The following CNBD1 variants were observed in gnomAD, a reference collection of about 807,000 sequenced individuals.
The protein encoded by CNBD1 is cyclic nucleotide binding domain containing 1.
CNBD1 carries 71 observed loss-of-function variants against 54.4 expected under a neutral mutation model. The ratio of observed to expected loss-of-function variants is 1.30; its 90% CI spans 1.08 to 1.59. CNBD1 has a LOEUF of 1.59. CNBD1 is among the 40% of genes most tolerant of loss of function. CNBD1 has a pLI of 0.00. For synonymous variants in CNBD1, 182 were observed against 170.7 expected (o/e 1.07, Z -0.51); for missense variants, 659 against 518.0 (o/e 1.27, Z -2.64).
At position 87,005,238 on chromosome 8, in the gene CNBD1, C is replaced by T. The variant is rs565278195; in HGVS notation, c.431+65484C>T. Among the ~76,000 whole-genome samples the T allele has an allele frequency of 2.0e-4, 30 of 151,876 alleles. No homozygotes were observed. In the South Asian group the frequency reaches 2.5e-3, roughly 13 times the overall value. ...TATAAAAATTAGCCGGGCACGGTGGCGGGCGCCTGTAGTCCCAGCTACTCT... is the reference window on the plus strand; with the variant it reads ...TATAAAAATTAGCCGGGCACGGTGGTGGGCGCCTGTAGTCCCAGCTACTCT... On this transcript the variant is annotated intron_variant, in intron 4 of 10. Coordinates refer to ENST00000518476, the MANE Select transcript of CNBD1 (RefSeq NM_173538.3).
intron 4 of CNBD1, among the ~76,000 whole-genome samples, chr8:87,122,543 C>T (rs1369672424): frequency 6.6e-6 from 1 of 151,704 alleles, no homozygotes; most frequent in Non-Finnish European, 1.5e-5. Flanking sequence ...TAGTTTGATG[C>T]CATCACTTTC....
Position 87,312,220 on chromosome 8 carries a change from G to A in CNBD1, c.1042+25549G>A, listed in dbSNP as rs556826532. 2.0e-5 allele frequency among the ~76,000 whole-genome samples: 3 copies of A among 151,846 alleles called. No individual in the cohort carries two copies. The East Asian group carries it at 5.8e-4, about 29-fold the overall frequency. ...CCCCCAAAAATAAAACTACTATATC[G>A]ATATTTTGACATAATCTATTTTTAA... On this transcript the variant is annotated intron_variant, in intron 8 of 10. Coordinates refer to ENST00000518476, the MANE Select transcript of CNBD1 (RefSeq NM_173538.3).
At chr8:87,088,671 CT>C (rs1811148568) in intron 4 of CNBD1, among the ~76,000 whole-genome samples, 1 of 151,950 alleles carries the variant, frequency 6.6e-6, no homozygotes, top group Admixed American at 6.6e-5. Context: ...TACTAGTTTT[CT>C]ATTACTAAAA....
At chr8:87,196,293 G>C (rs2130790026) in intron 4 of CNBD1, among the ~76,000 whole-genome samples, 1 of 152,290 alleles carries the variant, frequency 6.6e-6, no homozygotes, top group East Asian at 1.9e-4. Context: ...TAAGAGACAA[G>C]AGCAAAGATT....
downstream of CNBD1, among the ~76,000 whole-genome samples, chr8:87,384,617 C>G (rs1284519671): frequency 1.3e-5 from 2 of 152,130 alleles, no homozygotes; most frequent in African/African-American, 4.8e-5. Context: ...CAAACACTTT[C>G]AGAGCACCTA....
intron 4 of CNBD1, among the ~76,000 whole-genome samples, chr8:87,062,929 G>A (rs989998090): frequency 6.6e-6 from 1 of 152,054 alleles, no homozygotes; most frequent in Non-Finnish European, 1.5e-5. Context: ...AGTACAAGCC[G>A]TCTACTGGTG....
chr8:86,879,654 G>A (rs1269884003), intron 1 of CNBD1, among the ~76,000 whole-genome samples: 1 of 152,130 alleles, frequency 6.6e-6, no homozygotes, highest in Admixed American at 6.5e-5. Context: ...GGTGGATCAT[G>A]AGGTCAGGAG....
chr8:87,237,859 AC>A (rs1170961662), intron 6 of CNBD1, among the ~76,000 whole-genome samples: 2 of 152,170 alleles, frequency 1.3e-5, no homozygotes, highest in Non-Finnish European at 2.9e-5. Flanking sequence ...AGAAAGAATG[AC>A]AAGGATAAAA....
At chr8:87,097,104 A>C (rs761806609) in intron 4 of CNBD1, among the ~76,000 whole-genome samples, 23 of 152,080 alleles carry the variant, frequency 1.5e-4, no homozygotes, top group Non-Finnish European at 2.2e-4. Context: ...GGTTTATTCA[A>C]CCTTTTAGGG....
intron 4 of CNBD1, among the ~76,000 whole-genome samples, chr8:87,124,687 G>A (rs1180014686): frequency 6.6e-6 from 1 of 151,678 alleles, no homozygotes; most frequent in Admixed American, 6.6e-5. Flanking sequence ...AAACTTGTAG[G>A]TAGCATCATT....
At chr8:87,394,981 G>C (rs575538323) in intron 2 of CNBD1, among the ~76,000 whole-genome samples, 1 of 151,814 alleles carries the variant, frequency 6.6e-6, no homozygotes, top group Non-Finnish European at 1.5e-5. Flanking sequence ...AAAGTAAAAC[G>C]ATAGTGTTTT....
chr8:87,133,208 C>A (rs997268647), intron 4 of CNBD1, among the ~76,000 whole-genome samples: 1 of 151,894 alleles, frequency 6.6e-6, no homozygotes, highest in African/African-American at 2.4e-5. Flanking sequence ...TTTAAAAATT[C>A]CTTTCTGCCA....
At chr8:87,003,706 G>A (rs1245549959) in intron 4 of CNBD1, among the ~76,000 whole-genome samples, 1 of 152,072 alleles carries the variant, frequency 6.6e-6, no homozygotes, top group Non-Finnish European at 1.5e-5. Flanking sequence ...CAAAAAGTTA[G>A]CCAACCCAAA....
chr8:87,077,300 G>A (rs1810891616), intron 4 of CNBD1, among the ~76,000 whole-genome samples: 1 of 152,010 alleles, frequency 6.6e-6, no homozygotes, highest in Non-Finnish European at 1.5e-5. Context: ...TCAGCAGGGT[G>A]GGATTCTTAG....
chr8:86,901,713 C>T (rs947924489), intron 2 of CNBD1, among the ~76,000 whole-genome samples: 10 of 152,286 alleles, frequency 6.6e-5, no homozygotes, highest in African/African-American at 2.4e-4. Flanking sequence ...TCCAGGGCCA[C>T]CTTGGTCCTC....
intron 4 of CNBD1, among the ~76,000 whole-genome samples, chr8:87,179,343 G>T (rs1813263217): frequency 6.6e-6 from 1 of 152,100 alleles, no homozygotes; most frequent in Non-Finnish European, 1.5e-5. Flanking sequence ...TAAAACATTA[G>T]ATATAAGTAC....
chr8:87,408,504 C>T (rs570806009), intron 2 of CNBD1, among the ~76,000 whole-genome samples: 55 of 152,102 alleles, frequency 3.6e-4, no homozygotes, highest in African/African-American at 1.2e-3. Context: ...TTAATTGAGT[C>T]ATCTTTATGA....
chr8:87,132,608 A>G (rs545697101), intron 4 of CNBD1, among the ~76,000 whole-genome samples: 1 of 148,006 alleles, frequency 6.8e-6, no homozygotes, highest in African/African-American at 2.4e-5. Context: ...ATATCAAGAT[A>G]TATATTTATG....
At chr8:87,065,492 C>T (rs1810630199) in intron 4 of CNBD1, among the ~76,000 whole-genome samples, 1 of 151,646 alleles carries the variant, frequency 6.6e-6, no homozygotes, top group Non-Finnish European at 1.5e-5. Flanking sequence ...GGATGTAGTC[C>T]CTCTGTGGCA....
Sources: gnomAD v4.1 joint callset for allele counts (sites outside exome capture counted in the v4.1 genomes callset) on GRCh38, gnomAD v4.1.1 for gene constraint, MANE v1.5 for transcripts, NCBI Gene and HGNC (gene_info 2026-07-23, HGNC 2026-07-21) for gene names.